RANBP17: variants seen among roughly 807,000 people sequenced by gnomAD.
The protein encoded by RANBP17 is RAN binding protein 17.
RANBP17 carries 158 observed loss-of-function variants against 141.2 expected under a neutral mutation model. The ratio of observed to expected loss-of-function variants is 1.12; its 90% CI spans 0.98 to 1.28. The LOEUF (loss-of-function observed/expected upper bound fraction) is 1.28, where lower values mean the gene tolerates loss of function less well. RANBP17 is among the 50% of genes most tolerant of loss of function. RANBP17 has a pLI of 0.00. For missense variants in RANBP17, 1,438 were observed against 1,290.7 expected (o/e 1.11, Z -1.75); for synonymous variants, 430 against 450.0 (o/e 0.96, Z 0.56).
chr5:171,221,619 G>C (rs1240511961), intron 21 of RANBP17, 139 bp from the exon 22 acceptor site: 1 of 644,360 alleles, frequency 1.6e-6, no homozygotes, highest in East Asian at 2.7e-5. Context: ...TTTATCAACA[G>C]TTGTTTATAA....
At chr5:171,114,775 C>T (rs1458968975) in intron 14 of RANBP17, among the ~76,000 whole-genome samples, 4 of 150,624 alleles carry the variant, frequency 2.7e-5, no homozygotes, top group Non-Finnish European at 5.9e-5. Flanking sequence ...AGACCCTTTG[C>T]TTAAGTACTA....
At chr5:171,189,600 G>GCT (rs1335883309) in intron 18 of RANBP17, among the ~76,000 whole-genome samples, 2 of 151,796 alleles carry the variant, frequency 1.3e-5, no homozygotes, top group African/African-American at 4.9e-5. Flanking sequence ...TCTGGAAGTA[G>GCT]CTCTGATCAT....
chr5:170,952,816 A>G (rs1170112668), intron 12 of RANBP17, among the ~76,000 whole-genome samples: 1 of 152,060 alleles, frequency 6.6e-6, no homozygotes, highest in Non-Finnish European at 1.5e-5. Flanking sequence ...TCTCAAAAGT[A>G]CTGAAGGATC....
Position 170,886,651 on chromosome 5 carries a change from C to CTT in RANBP17, c.256+4777_256+4778dup, listed in dbSNP as rs3080616. ...ACACTACACCATTCATTTGAGGTGC[C>CTT]TTTTTTTTTTTTTTTTTTTTTTTGA... On this transcript the variant is annotated intron_variant, in intron 3 of 27. Transcript: ENST00000523189. 8.9e-3 allele frequency among the ~76,000 whole-genome samples: 784 copies of CTT among 87,864 alleles called. 27 individuals are homozygous for CTT. The highest frequency in any genetic ancestry group is 0.024 in the African/African-American group (532 of 22,476). 57.6% of individuals were successfully genotyped at this position (87,864 alleles called of 152,430 possible). A position where few individuals can be genotyped will look rare whatever the true frequency, so the allele number is the denominator to read the frequency against.
At chr5:171,152,560 C>T (rs1377374382) in intron 14 of RANBP17, among the ~76,000 whole-genome samples, 1 of 152,144 alleles carries the variant, frequency 6.6e-6, no homozygotes, top group Non-Finnish European at 1.5e-5. Context: ...TTGCTCATGA[C>T]ATCAAGCCAG....
intron 5 of RANBP17, among the ~76,000 whole-genome samples, chr5:170,907,783 A>T (rs759623031): frequency 1.3e-5 from 2 of 152,004 alleles, no homozygotes; most frequent in Non-Finnish European, 2.9e-5. Context: ...TTTAATTTGT[A>T]TTAAGGAAAA....
chr5:171,043,165 A>G (rs1388432244), intron 14 of RANBP17, among the ~76,000 whole-genome samples: 1 of 152,218 alleles, frequency 6.6e-6, no homozygotes, highest in Non-Finnish European at 1.5e-5. Context: ...TTTTGAGACA[A>G]ATATGTAAAA....
chr5:170,965,953 G>C (rs1321577036), intron 13 of RANBP17, among the ~76,000 whole-genome samples: 2 of 152,142 alleles, frequency 1.3e-5, no homozygotes, highest in African/African-American at 2.4e-5. Context: ...TTGGTAGCTT[G>C]ATGGGGATGG....
chr5:171,074,669 A>T (rs1434697213), intron 14 of RANBP17, among the ~76,000 whole-genome samples: 1 of 152,248 alleles, frequency 6.6e-6, no homozygotes, highest in Non-Finnish European at 1.5e-5. Context: ...ACAAATATTT[A>T]TGCAAATGAA....
At chr5:170,937,900 GTAATAACTTAA>G (rs1774012056) in intron 12 of RANBP17, among the ~76,000 whole-genome samples, 1 of 152,208 alleles carries the variant, frequency 6.6e-6, no homozygotes, top group Non-Finnish European at 1.5e-5. Flanking sequence ...TAAAGAGTTA[GTAATAACTTAA>G]GTGTGGTCAA....
chr5:170,954,229 G>A (rs936698827), intron 13 of RANBP17, among the ~76,000 whole-genome samples: 23 of 151,772 alleles, frequency 1.5e-4, no homozygotes, highest in East Asian at 5.8e-4. Context: ...TTATAACAGC[G>A]TCATACATGT....
At chr5:171,056,965 T>C (rs1783428681) in intron 14 of RANBP17, among the ~76,000 whole-genome samples, 2 of 152,158 alleles carry the variant, frequency 1.3e-5, no homozygotes, top group South Asian at 4.1e-4. Flanking sequence ...AACATGAAAA[T>C]CTTGTTCAAG....
At chr5:170,901,790 G>A (rs1464552970) in intron 5 of RANBP17, among the ~76,000 whole-genome samples, 2 of 152,176 alleles carry the variant, frequency 1.3e-5, no homozygotes, top group Non-Finnish European at 2.9e-5. Flanking sequence ...AGCTTAGTTT[G>A]GGTGGATATG....
chr5:170,934,951 G>A (rs571477108), intron 12 of RANBP17, among the ~76,000 whole-genome samples: 3 of 152,174 alleles, frequency 2.0e-5, no homozygotes, highest in African/African-American at 4.8e-5. Context: ...CCAGTCAGAC[G>A]TAGATTTGGT....
rs147240489 is a variant in RANBP17, at chr5:171,275,866, A to G, written c.2943+10019A>G. 4.0e-4 allele frequency among the ~76,000 whole-genome samples: 61 copies of G among 152,260 alleles called. 2 individuals are homozygous for G. In the East Asian group the frequency reaches 0.011, roughly 28 times the overall value. On this transcript the variant is annotated intron_variant, in intron 25 of 27. Transcript: ENST00000523189. ...ATGAAATGCACGTATGGAAACAAAC[A>G]AGGAGCAATTTGGAACGCTGAAGAA...
intron 14 of RANBP17, among the ~76,000 whole-genome samples, chr5:170,992,986 A>G (rs1321923662): frequency 6.6e-6 from 1 of 152,038 alleles, no homozygotes; most frequent in Non-Finnish European, 1.5e-5. Context: ...CTGAATTGTT[A>G]TTTGAAGGCA....
At chr5:170,947,079 CTG>C (rs1186326079) in intron 12 of RANBP17, among the ~76,000 whole-genome samples, 4 of 152,066 alleles carry the variant, frequency 2.6e-5, no homozygotes, top group African/African-American at 7.2e-5. Context: ...ATAATGGAAT[CTG>C]TGAATAATGA....
intron 21 of RANBP17, among the ~76,000 whole-genome samples, chr5:171,219,918 C>T (rs541281274): frequency 2.6e-3 from 394 of 152,116 alleles, no homozygotes; most frequent in Non-Finnish European, 4.8e-3. Flanking sequence ...CATTCTCCGT[C>T]CAGTTTTGTG....
intron 22 of RANBP17, among the ~76,000 whole-genome samples, chr5:171,239,626 C>G (rs1312175561): frequency 6.6e-6 from 1 of 152,160 alleles, no homozygotes; most frequent in East Asian, 1.9e-4. Flanking sequence ...GCAGGGAAAT[C>G]TAGAAACCAG....
Sources: gnomAD v4.1 joint callset for allele counts (sites outside exome capture counted in the v4.1 genomes callset) on GRCh38, gnomAD v4.1.1 for gene constraint, MANE v1.5 for transcripts, NCBI Gene and HGNC (gene_info 2026-07-23, HGNC 2026-07-21) for gene names.